The following HS3ST4 variants were observed in gnomAD, a reference collection of about 807,000 sequenced individuals.
HS3ST4 encodes the protein heparan sulfate-glucosamine 3-sulfotransferase 4, also known as heparan sulfate glucosamine 3-O-sulfotransferase 4.
In HS3ST4, 17 loss-of-function variants were observed where a neutral mutation model predicts 29.2. That is an observed-to-expected ratio of 0.58 (90% CI 0.40 to 0.87). The LOEUF (loss-of-function observed/expected upper bound fraction) is 0.87. Among genes scored for constraint, HS3ST4 ranks in the 40% least tolerant of loss-of-function variants. HS3ST4 has a pLI of 0.00. For synonymous variants in HS3ST4, 314 were observed against 285.7 expected (o/e 1.10, Z -1.00); for missense variants, 627 against 634.5 (o/e 0.99, Z 0.13).
intron 1 of HS3ST4, among the ~76,000 whole-genome samples, chr16:25,811,640 T>A (rs1967043277): frequency 6.6e-6 from 1 of 151,796 alleles, no homozygotes; most frequent in Non-Finnish European, 1.5e-5. Context: ...TCCTTTTTGG[T>A]CATGCTGGTC....
At chr16:25,712,148 G>A (rs1033586124) in intron 1 of HS3ST4, among the ~76,000 whole-genome samples, 3 of 151,948 alleles carry the variant, frequency 2.0e-5, no homozygotes, top group Non-Finnish European at 4.4e-5. Context: ...ATATAGACAA[G>A]ATACTATTCT....
At chr16:25,824,520 CTCTTATAAAATCA>C (rs1967197029) in intron 1 of HS3ST4, among the ~76,000 whole-genome samples, 2 of 152,172 alleles carry the variant, frequency 1.3e-5, no homozygotes, top group Admixed American at 1.3e-4. Context: ...GGGGGAGCTC[CTCTTATAAAATCA>C]TCAGATCTTA....
At chr16:25,978,387 G>T (rs1016950035) in intron 1 of HS3ST4, among the ~76,000 whole-genome samples, 1 of 152,238 alleles carries the variant, frequency 6.6e-6, no homozygotes, top group Non-Finnish European at 1.5e-5. Context: ...TAACTACTCA[G>T]CTCTGTCCTT....
rs963071515 is a variant in HS3ST4 at position 25,887,900 on chromosome 16, T to C, written c.734+194749T>C. On this transcript the variant is annotated intron_variant, in intron 1 of 1. Coordinates refer to ENST00000331351, the MANE Select transcript of HS3ST4 (RefSeq NM_006040.3). ...TTTTAGTAGAGACGGGGTTTCACCA[T>C]GTTAGCCAGGATGGTCTCGATCTTC... Among the ~76,000 whole-genome samples, 25 of 152,008 alleles carry C rather than the reference T, an allele frequency of 1.6e-4. 1 individual carries two copies. The highest frequency in any genetic ancestry group is 3.1e-4 in the Non-Finnish European group (21 of 68,002).
intron 1 of HS3ST4, among the ~76,000 whole-genome samples, chr16:25,997,318 T>C (rs1229744418): frequency 2.0e-5 from 3 of 152,188 alleles, no homozygotes; most frequent in African/African-American, 7.2e-5. Context: ...AGGATCCCCA[T>C]GTGTCATTTT....
At chr16:26,115,899 G>T (rs944249656) in intron 1 of HS3ST4, among the ~76,000 whole-genome samples, 1 of 152,186 alleles carries the variant, frequency 6.6e-6, no homozygotes, top group Non-Finnish European at 1.5e-5. Flanking sequence ...TCTAAGGCAG[G>T]CAACAGTATT....
chr16:25,973,114 A>C (rs1427545781), intron 1 of HS3ST4, among the ~76,000 whole-genome samples: 1 of 152,186 alleles, frequency 6.6e-6, no homozygotes, highest in Non-Finnish European at 1.5e-5. Flanking sequence ...GAGACCACAG[A>C]GTTGGAAATG....
intron 1 of HS3ST4, among the ~76,000 whole-genome samples, chr16:26,044,357 T>C (rs928134214): frequency 7.2e-5 from 11 of 152,312 alleles, no homozygotes; most frequent in African/African-American, 2.6e-4. Context: ...CCCCATTCTC[T>C]GGAGAGGGGA....
At chr16:26,050,524 T>G (rs892843371) in intron 1 of HS3ST4, among the ~76,000 whole-genome samples, 1 of 152,160 alleles carries the variant, frequency 6.6e-6, no homozygotes, top group Non-Finnish European at 1.5e-5. Flanking sequence ...TAAATAGTCA[T>G]TGAGCACATT....
At chr16:26,002,755 AAGAAAG>A (rs1969222999) in intron 1 of HS3ST4, among the ~76,000 whole-genome samples, 1 of 151,572 alleles carries the variant, frequency 6.6e-6, no homozygotes, top group Admixed American at 6.6e-5. Flanking sequence ...GAGAGAAAGA[AAGAAAG>A]AGAGAGAAAA....
chr16:25,697,554 T>C (rs943007796), intron 1 of HS3ST4, among the ~76,000 whole-genome samples: 1 of 152,218 alleles, frequency 6.6e-6, no homozygotes, highest in Non-Finnish European at 1.5e-5. Context: ...AATTTAAAAG[T>C]ACACTTGTGA....
intron 1 of HS3ST4, among the ~76,000 whole-genome samples, chr16:26,040,945 G>A (rs1341713157): frequency 6.6e-6 from 1 of 152,106 alleles, no homozygotes; most frequent in Non-Finnish European, 1.5e-5. Flanking sequence ...TACCTAGGCT[G>A]TCCAAGTACA....
At chr16:25,911,496 GTTTTTTTTTTTTTTTTT>G (rs542274531) in intron 1 of HS3ST4, among the ~76,000 whole-genome samples, 1 of 82,000 alleles carries the variant, frequency 1.2e-5, no homozygotes, top group Non-Finnish European at 2.3e-5. Flanking sequence ...CCGTTGTGTG[GTTTTTTTTTTTTTTTTT>G]TTTTTTTTTT....
chr16:26,093,148 T>C (rs1234498173), intron 1 of HS3ST4, among the ~76,000 whole-genome samples: 1 of 152,180 alleles, frequency 6.6e-6, no homozygotes, highest in Non-Finnish European at 1.5e-5. Context: ...GGACTACACC[T>C]CTGTGGGCAG....
At position 26,096,737 on chromosome 16, in the gene HS3ST4, T is replaced by G. The variant is rs1466445332; in HGVS notation, c.735-38875T>G. 2.6e-5 allele frequency among the ~76,000 whole-genome samples: 4 copies of G among 152,176 alleles called. No individual in the cohort carries two copies. The East Asian group carries it at 7.7e-4, about 29-fold the overall frequency. On this transcript the variant is annotated intron_variant, in intron 1 of 1. Transcript: ENST00000331351. ...TCCTATTCAACATAGTGTTGGAAGT[T>G]CTGGCCAGGGCAATCAGGCAAGAGA...
At chr16:26,009,737 G>A (rs1240821028) in intron 1 of HS3ST4, among the ~76,000 whole-genome samples, 1 of 152,182 alleles carries the variant, frequency 6.6e-6, no homozygotes, top group Non-Finnish European at 1.5e-5. Context: ...CACATTTTAT[G>A]AGCTAAAGCA....
At chr16:25,983,480 C>T (rs972145596) in intron 1 of HS3ST4, among the ~76,000 whole-genome samples, 1 of 152,206 alleles carries the variant, frequency 6.6e-6, no homozygotes, top group Non-Finnish European at 1.5e-5. Context: ...CTCCTCTCTC[C>T]TGTTCTGCTT....
intron 1 of HS3ST4, among the ~76,000 whole-genome samples, chr16:26,111,844 C>G (rs1899132944): frequency 6.6e-6 from 1 of 152,002 alleles, no homozygotes; most frequent in African/African-American, 2.4e-5. Context: ...TGGTGAAACC[C>G]CATCTCTATT....
At chr16:26,025,157 G>A (rs918373441) in intron 1 of HS3ST4, 22 of 152,710 alleles carry the variant, frequency 1.4e-4, no homozygotes, top group Admixed American at 1.4e-3. Context: ...GAGAAGCCAT[G>A]CCACTTTTTA....
Sources: gnomAD v4.1 joint callset for allele counts (sites outside exome capture counted in the v4.1 genomes callset) on GRCh38, gnomAD v4.1.1 for gene constraint, MANE v1.5 for transcripts, NCBI Gene and HGNC (gene_info 2026-07-23, HGNC 2026-07-21) for gene names.